Variants in PAH observed in about 807,000 individuals in gnomAD.
PAH encodes phenylalanine hydroxylase.
A neutral mutation model predicts 62.0 loss-of-function variants in PAH; 64 were observed. That is an observed-to-expected ratio of 1.03 (90% CI 0.84 to 1.27). PAH has a LOEUF of 1.27. Ranked by LOEUF, PAH falls within the 50% of genes most tolerant of loss-of-function variation. The probability of loss-of-function intolerance (pLI) is 0.00; values close to 1 mark genes in which losing one functional copy is unlikely to be tolerated. For missense variants in PAH, 579 were observed against 542.8 expected (o/e 1.07, Z -0.66); for synonymous variants, 195 against 196.2 (o/e 0.99, Z 0.05).
chr12:102,868,643 T>G (rs916744855), intron 4 of PAH, among the ~76,000 whole-genome samples: 4 of 142,974 alleles, frequency 2.8e-5, no homozygotes, highest in Non-Finnish European at 6.0e-5. Context: ...TGAAGGTAAG[T>G]TGGTTTGAGA....
At chr12:102,840,562 A>T in intron 11 of PAH, 47 bp from the exon 12 acceptor site, 1 of 1,305,052 alleles carries the variant, frequency 7.7e-7, no homozygotes, top group South Asian at 1.2e-5. Flanking sequence ...ATTTGGAGAA[A>T]GGTAGTCTTA....
chr12:102,946,393 C>T (rs1460293856), intron 1 of PAH, among the ~76,000 whole-genome samples: 1 of 152,236 alleles, frequency 6.6e-6, no homozygotes. Flanking sequence ...TACCCAAGAG[C>T]TGTTTAGCCC....
chr12:102,918,344 A>G (rs566276488), upstream of PAH, among the ~76,000 whole-genome samples: 31 of 152,300 alleles, frequency 2.0e-4, no homozygotes, highest in African/African-American at 6.7e-4. Context: ...CCTGCTTAAT[A>G]TTTTCCCAAG....
At chr12:102,943,393 G>A (rs1879364705) in intron 1 of PAH, among the ~76,000 whole-genome samples, 1 of 152,060 alleles carries the variant, frequency 6.6e-6, no homozygotes, top group South Asian at 2.1e-4. Context: ...TAATCAGAAT[G>A]GCGATCATGA....
intron 4 of PAH, among the ~76,000 whole-genome samples, chr12:102,874,041 AC>A (rs1312896108): frequency 1.3e-5 from 2 of 152,208 alleles, no homozygotes; most frequent in African/African-American, 4.8e-5. Flanking sequence ...GATACTCTGT[AC>A]CCAAAGTATA....
At chr12:102,945,031 C>T (rs1421350947) in intron 1 of PAH, 2 of 152,228 alleles carry the variant, frequency 1.3e-5, no homozygotes, top group Non-Finnish European at 2.9e-5. Flanking sequence ...AGAGGTACCA[C>T]CTTGGTGGTG....
chr12:102,940,853 C>G (rs545393953), intron 1 of PAH, among the ~76,000 whole-genome samples: 1 of 151,880 alleles, frequency 6.6e-6, no homozygotes, highest in African/African-American at 2.4e-5. Context: ...GATGACCATC[C>G]CCAAGACACA....
chr12:102,939,307 C>T (rs1451995405), intron 1 of PAH, among the ~76,000 whole-genome samples: 1 of 152,122 alleles, frequency 6.6e-6, no homozygotes, highest in African/African-American at 2.4e-5. Flanking sequence ...CTCACATTTC[C>T]AGCACACTAC....
Position 102,867,697 on chromosome 12 carries a change from G to A in PAH, c.442-1034C>T, listed in dbSNP as rs1270111882. On this transcript the variant is annotated intron_variant, in intron 4 of 12. Coordinates refer to ENST00000553106, the MANE Select transcript of PAH (RefSeq NM_000277.3). Reference sequence around the variant, plus strand: ...TCAAAACAAAAGCTTATGTCACAGAGTGTAATGTTTAAAGGAGACTTTTAA... The same window carrying A: ...TCAAAACAAAAGCTTATGTCACAGAATGTAATGTTTAAAGGAGACTTTTAA... Among the ~76,000 whole-genome samples the A allele has an allele frequency of 2.0e-5, 3 of 151,916 alleles. No individual in the cohort carries two copies. In the East Asian group the frequency reaches 5.8e-4, roughly 29 times the overall value.
intron 8 of PAH, among the ~76,000 whole-genome samples, chr12:102,849,290 T>C (rs1413955756): frequency 1.3e-5 from 2 of 152,160 alleles, no homozygotes; most frequent in Non-Finnish European, 2.9e-5. Context: ...TAGAAAAAGC[T>C]GTGCTGGAGA....
At position 102,925,549 on chromosome 12, in the gene PAH, C is replaced by G. The variant is rs150975004; in HGVS notation, c.-95-8324G>C. On this transcript the variant is annotated intron_variant, in intron 1 of 3. Coordinates refer to the PAH transcript ENST00000546844. Reference sequence around the variant, plus strand: ...GATATTTAAGATGGATTTACTTGTCCTAAAACTGTTCTTTCTTCATCAGAC... The same window carrying G: ...GATATTTAAGATGGATTTACTTGTCGTAAAACTGTTCTTTCTTCATCAGAC... 1.6e-3 allele frequency among the ~76,000 whole-genome samples: 248 copies of G among 152,242 alleles called. 1 individual carries two copies. Among genetic ancestry groups the G allele is most frequent in the Non-Finnish European group, 2.5e-3 (173 of 67,992 alleles).
At position 102,889,750 on chromosome 12, in the gene PAH, C is replaced by T. The variant is rs77346494; in HGVS notation, c.352+4985G>A. ...ATTTCTCAAATGGTGATGTTCCTAA[C>T]TTCTGTCTACCCAAGACATTGTGTC... On this transcript the variant is annotated intron_variant, in intron 3 of 12. Transcript: ENST00000553106. Among the ~76,000 whole-genome samples the T allele has an allele frequency of 9.4e-3, 1,428 of 152,308 alleles. 13 individuals are homozygous for T. Among genetic ancestry groups the T allele is most frequent in the Middle Eastern group, 0.031 (9 of 294 alleles).
intron 5 of PAH, among the ~76,000 whole-genome samples, chr12:102,863,960 C>T (rs1875839569): frequency 6.6e-6 from 1 of 152,144 alleles, no homozygotes; most frequent in Non-Finnish European, 1.5e-5. Flanking sequence ...ATTCCTGGCT[C>T]TGCCTCCAAT....
At chr12:102,919,623 T>C (rs1878506006), upstream of PAH, among the ~76,000 whole-genome samples, 1 of 152,116 alleles carries the variant, frequency 6.6e-6, no homozygotes, top group Non-Finnish European at 1.5e-5. Flanking sequence ...CTCTGGTAAT[T>C]AGCTCTCTAC....
In PAH at chr12:102,913,953, C is replaced by A. The variant is rs547500097; in HGVS notation, c.61-1055G>T. 3.7e-5 allele frequency: 25 copies of A among 673,614 alleles called. No individual in the cohort carries two copies. The South Asian group carries it at 3.8e-4, about 10-fold the overall frequency. The allele number at this position is 673,614 out of a possible 1,614,324, so 41.7% of individuals were successfully genotyped here. On this transcript the variant is annotated intron_variant, in intron 1 of 12. Coordinates refer to ENST00000553106, the MANE Select transcript of PAH (RefSeq NM_000277.3). ...CTAAAACTGGGAAGAAAAAAATTTG[C>A]AGAACAATTACTCTCTTGTAAGCAA...
At chr12:102,874,377 G>A (rs1253320175) in intron 4 of PAH, among the ~76,000 whole-genome samples, 1 of 152,130 alleles carries the variant, frequency 6.6e-6, no homozygotes, top group Non-Finnish European at 1.5e-5. Context: ...TCTCTCTACT[G>A]TACAACCACA....
At chr12:102,872,122 C>T (rs1876372317) in intron 4 of PAH, among the ~76,000 whole-genome samples, 1 of 151,838 alleles carries the variant, frequency 6.6e-6, no homozygotes, top group Non-Finnish European at 1.5e-5. Flanking sequence ...AAAGTAGATG[C>T]TGGCTTTTTA....
chr12:102,905,631 G>A (rs1383107819), intron 2 of PAH, among the ~76,000 whole-genome samples: 2 of 152,022 alleles, frequency 1.3e-5, no homozygotes, highest in East Asian at 3.8e-4. Flanking sequence ...GAGTCTCTGA[G>A]GTTTAGTTTC....
chr12:102,935,336 G>A (rs1879062694), intron 1 of PAH, among the ~76,000 whole-genome samples: 1 of 151,904 alleles, frequency 6.6e-6, no homozygotes, highest in Non-Finnish European at 1.5e-5. Flanking sequence ...TGTTCTTTAG[G>A]AATACTGGCC....
Sources: allele counts gnomAD v4.1 joint callset (sites outside exome capture counted in the v4.1 genomes callset), GRCh38; gene constraint gnomAD v4.1.1; transcripts MANE v1.5; gene names NCBI Gene and HGNC (gene_info 2026-07-23, HGNC 2026-07-21).